The following DIMT1 variants were observed in gnomAD, a reference collection of about 807,000 sequenced individuals.
DIMT1 encodes dimethyladenosine transferase.
DIMT1 carries 36 observed loss-of-function variants against 43.2 expected under a neutral mutation model. That is an observed-to-expected ratio of 0.83 (90% CI 0.64 to 1.10). The LOEUF is 1.10. Among genes scored for constraint, DIMT1 ranks in the 50% least tolerant of loss-of-function variants. The pLI is 0.00. For synonymous variants in DIMT1, 126 were observed against 130.3 expected (o/e 0.97, Z 0.22); for missense variants, 341 against 385.3 (o/e 0.88, Z 0.96).
At chr5:62,403,141 C>T (rs1742767550) in intron 2 of DIMT1, 132 bp downstream of exon 2, 8 of 789,276 alleles carry the variant, frequency 1.0e-5, no homozygotes, top group Non-Finnish European at 1.6e-5. Flanking sequence ...GAATCCTAGA[C>T]AATTATTTGA....
intron 6 of DIMT1, among the ~76,000 whole-genome samples, chr5:62,395,452 T>C (rs1426129962): frequency 6.6e-6 from 1 of 152,212 alleles, no homozygotes; most frequent in African/African-American, 2.4e-5. Flanking sequence ...TAAAAATACA[T>C]TTGGCATTGC....
rs1418279047 is a variant in DIMT1, at chr5:62,392,982, A to G, written c.672T>C (p.Asp224=). 1.9e-6 allele frequency: 3 copies of G among 1,607,776 alleles called. No individual in the cohort carries two copies. The highest frequency in any genetic ancestry group is 2.2e-5 in the East Asian group (1 of 44,740). The stretch of plus-strand genomic sequence containing the variant: ...TAACAAAGGTTATCCTTACTAGACC[A>G]TCCCATTCCTGAAATAGAAGATAGA... ...PPPPINFQEW[D]GLVRITFVRK... Residue 224 remains aspartate (D), a synonymous_variant, in exon 9 of 12, where the codon GAT becomes GAC. Coordinates refer to ENST00000199320, the MANE Select transcript of DIMT1 (RefSeq NM_014473.4).
Position 62,399,801 on chromosome 5 carries a change from G to A in DIMT1, c.241-920C>T, listed in dbSNP as rs552428812. Among the ~76,000 whole-genome samples the A allele has an allele frequency of 5.9e-5, 9 of 152,192 alleles. No individual in the cohort carries two copies. In the East Asian group the frequency reaches 1.5e-3, roughly 26 times the overall value. ...CGTGCCTGTAATCCCAGCTACTCAG[G>A]AGGCTGAAGCAGGAGAATTGTTTGA... On this transcript the variant is annotated intron_variant, in intron 3 of 11. Coordinates refer to ENST00000199320, the MANE Select transcript of DIMT1 (RefSeq NM_014473.4).
chr5:62,402,300 A>T (rs1396275163), intron 2 of DIMT1, among the ~76,000 whole-genome samples, 178 bp from the exon 3 acceptor site: 1 of 152,216 alleles, frequency 6.6e-6, no homozygotes, highest in Non-Finnish European at 1.5e-5. Flanking sequence ...TTTGGTGCAA[A>T]TGAAAATCTA....
At chr5:62,401,458 G>C (rs1742698949) in intron 3 of DIMT1, among the ~76,000 whole-genome samples, 1 of 120,546 alleles carries the variant, frequency 8.3e-6, no homozygotes. Context: ...CTGCATCTCT[G>C]CACTCCAGCC....
chr5:62,391,253 CT>C, intron 10 of DIMT1: 2 of 323,696 alleles, frequency 6.2e-6, no homozygotes, highest in African/African-American at 2.1e-5. Context: ...TAGTTTCAGA[CT>C]TCACAAATAA....
intron 3 of DIMT1, among the ~76,000 whole-genome samples, chr5:62,399,286 G>A (rs1160956555): frequency 2.0e-5 from 3 of 152,196 alleles, no homozygotes; most frequent in Non-Finnish European, 4.4e-5. Context: ...GGCCAACATG[G>A]CGAAACCCCG....
rs1182058732 is a variant in DIMT1, at chr5:62,387,392, G to C, written c.*1618C>G. 6.6e-6 allele frequency: 1 copy of C among 152,126 alleles called. No individual in the cohort carries two copies. The highest frequency in any genetic ancestry group is 1.5e-5 in the Non-Finnish European group (1 of 68,016). The allele number at this position is 152,126 out of a possible 1,614,324, so 9.4% of individuals were successfully genotyped here. On this transcript the variant is annotated 3_prime_UTR_variant, in exon 12 of 12. Transcript: ENST00000199320. ...AAGGGCAATAAAGACATGTGAATTT[G>C]CTCATTTTAAAGCACAACAGATGAT...
At chr5:62,394,071 T>G (rs768014480) in intron 7 of DIMT1, 24 bp from the exon 8 acceptor site, 3 of 1,607,052 alleles carry the variant, frequency 1.9e-6, no homozygotes, top group Non-Finnish European at 2.5e-6. Context: ...AGTATTTAAG[T>G]AGTACTCACA....
intron 11 of DIMT1, among the ~76,000 whole-genome samples, 167 bp downstream of exon 11, chr5:62,390,709 T>C (rs756264589): frequency 1.1e-4 from 16 of 152,182 alleles, no homozygotes; most frequent in Non-Finnish European, 2.2e-4. Flanking sequence ...CTGCTGCAGC[T>C]AACTAGCCTC....
At chr5:62,389,372 G>A (rs1469954992) in intron 11 of DIMT1, among the ~76,000 whole-genome samples, 1 of 151,620 alleles carries the variant, frequency 6.6e-6, no homozygotes, top group Non-Finnish European at 1.5e-5. Flanking sequence ...TGTAATCCCA[G>A]CTACTCGGGT....
intron 6 of DIMT1, among the ~76,000 whole-genome samples, chr5:62,395,428 A>G (rs1308809301): frequency 1.3e-5 from 2 of 152,226 alleles, no homozygotes; most frequent in Non-Finnish European, 2.9e-5. Flanking sequence ...CAAACTTTTG[A>G]CAATGAGTCA....
chr5:62,396,852 T>C (rs1742515399), intron 6 of DIMT1, among the ~76,000 whole-genome samples: 1 of 152,232 alleles, frequency 6.6e-6, no homozygotes, highest in South Asian at 2.1e-4. Flanking sequence ...TTGGTAGGCA[T>C]CACTTTCACT....
At chr5:62,390,585 A>G (rs562267816) in intron 11 of DIMT1, among the ~76,000 whole-genome samples, 8 of 152,326 alleles carry the variant, frequency 5.3e-5, no homozygotes, top group Admixed American at 4.6e-4. Flanking sequence ...TTGGGGAAGG[A>G]GCAGGAAGGG....
chr5:62,403,426 G>A, intron 1 of DIMT1, 80 bp from the exon 2 acceptor site: 1 of 1,362,026 alleles, frequency 7.3e-7, no homozygotes, highest in East Asian at 2.3e-5. Flanking sequence ...AGCTGCATGG[G>A]TATGGGGAAG....
rs1410374316 is a variant in DIMT1, at chr5:62,392,218, G to C, written c.745C>G (p.Gln249Glu). 2.5e-6 allele frequency: 4 copies of C among 1,613,348 alleles called. No homozygotes were observed. Among genetic ancestry groups the C allele is most frequent in the Non-Finnish European group, 3.4e-6 (4 of 1,179,616 alleles). Residue 249 changes from glutamine (Q) to glutamate (E), a missense_variant, in exon 10 of 12, where the codon CAA becomes GAA. Coordinates refer to ENST00000199320, the MANE Select transcript of DIMT1 (RefSeq NM_014473.4). Reference sequence around the variant, plus strand: ...ATTCTGTAGTTTTTTTCCAAGAGTTGTTGCACTGCACTTGATCTATAGCAT... The same window carrying C: ...ATTCTGTAGTTTTTTTCCAAGAGTTCTTGCACTGCACTTGATCTATAGCAT... ...SAAFKSSAVQ[Q>E]LLEKNYRIHC...
At chr5:62,391,621 T>C in intron 10 of DIMT1, 1 of 939,104 alleles carries the variant, frequency 1.1e-6, no homozygotes, top group South Asian at 4.4e-5. Context: ...GGCCTTTCTC[T>C]CTCTGTTCTA....
At chr5:62,389,378 C>T (rs558315975) in intron 11 of DIMT1, among the ~76,000 whole-genome samples, 19 of 149,472 alleles carry the variant, frequency 1.3e-4, no homozygotes, top group Non-Finnish European at 2.1e-4. Context: ...CCCAGCTACT[C>T]GGGTGGTTGA....
chr5:62,402,258 T>G, intron 2 of DIMT1, 136 bp from the exon 3 acceptor site: 1 of 834,438 alleles, frequency 1.2e-6, no homozygotes, highest in Non-Finnish European at 1.9e-6. Flanking sequence ...TTCTTCATGA[T>G]CTACGTGGTT....
Sources: allele counts gnomAD v4.1 joint callset (sites outside exome capture counted in the v4.1 genomes callset), GRCh38; gene constraint gnomAD v4.1.1; transcripts MANE v1.5; gene names NCBI Gene and HGNC (gene_info 2026-07-23, HGNC 2026-07-21).